The following RIPK1 variants were observed in gnomAD, a reference collection of about 807,000 sequenced individuals.
RIPK1 encodes receptor interacting serine/threonine kinase 1, also known as receptor-interacting serine/threonine-protein kinase 1.
RIPK1 carries 27 observed loss-of-function variants against 62.4 expected under a neutral mutation model. That is an observed-to-expected ratio of 0.43 (90% confidence interval 0.32 to 0.60). RIPK1 has a LOEUF of 0.60. Ranked by LOEUF, RIPK1 falls within the 20% of genes least tolerant of loss-of-function variation. The pLI, the probability that RIPK1 is intolerant of heterozygous loss-of-function variation, is 0.07. For missense variants in RIPK1, 735 were observed against 831.0 expected (o/e 0.88, Z 1.42); for synonymous variants, 287 against 303.2 (o/e 0.95, Z 0.55).
rs541188654 is a variant in RIPK1, at chr6:3,082,985, C to G, written c.460-100C>G. 6.4e-5 allele frequency: 73 copies of G among 1,139,134 alleles called. No individual in the cohort carries two copies. The African/African-American group carries it at 1.1e-3, about 17-fold the overall frequency. 70.6% of individuals were successfully genotyped at this position (1,139,134 alleles called of 1,614,324 possible). Reference sequence around the variant, plus strand: ...AGTGCAACCATTTCTGGAAAATTTACCGTACCTTATGTATAATGGATAAGC... The same window carrying G: ...AGTGCAACCATTTCTGGAAAATTTAGCGTACCTTATGTATAATGGATAAGC... On this transcript the variant is annotated intron_variant, in intron 4 of 10. Transcript: ENST00000259808.
At chr6:3,073,876 C>A (rs980823973) in intron 1 of RIPK1, among the ~76,000 whole-genome samples, 1 of 152,216 alleles carries the variant, frequency 6.6e-6, no homozygotes, top group Non-Finnish European at 1.5e-5. Context: ...CTGAAGGTTA[C>A]GTCCACCACG....
At chr6:3,077,010 T>A (rs1759100928) in intron 2 of RIPK1, 23 bp downstream of exon 2, 4 of 1,050,292 alleles carry the variant, frequency 3.8e-6, no homozygotes, top group Non-Finnish European at 1.4e-6. Context: ...CAGGGGTGGG[T>A]GGGCTAAGTT....
chr6:3,105,783 C>T lies in RIPK1; in HGVS notation c.1308C>T (p.Gly436=), dbSNP rs1210725335. The T allele has an allele frequency of 1.2e-6, 2 of 1,614,114 alleles. No individual in the cohort carries two copies. Among genetic ancestry groups the T allele is most frequent in the Non-Finnish European group, 1.7e-6 (2 of 1,180,058 alleles). The change falls in exon 9 of 11, where the codon GGC becomes GGT. Residue 436 remains glycine, a synonymous_variant. Transcript: ENST00000259808. This position sits in a 1 kb window ranked among gnomAD's most constrained non-coding sequence, Gnocchi z 4.5. ...ATTTTCAGAATACAGAGGGAAAAGG[C>T]ACTGCTTATTCCAGTGCAGCCAGTC... The part of the protein sequence containing the change: ...YENFQNTEGK[G]TAYSSAASHG...
At position 3,089,648 on chromosome 6, in the gene RIPK1, G is replaced by GA. The variant is rs1159517657; in HGVS notation, c.907dup (p.Ser303LysfsTer22). The GA allele has an allele frequency of 1.3e-6, 2 of 1,566,722 alleles. No individual in the cohort carries two copies. ...AAGAAAGTGTAGAAGAGGACGTGAA[G>GA]AGTTTAAAGGTAGGCAATATAGCAG... On this transcript the variant is annotated frameshift_variant, in exon 7 of 11. Transcript: ENST00000259808. LOFTEE classifies it high-confidence loss of function.
At chr6:3,098,273 T>C (rs1454305713) in intron 7 of RIPK1, among the ~76,000 whole-genome samples, 12 of 152,000 alleles carry the variant, frequency 7.9e-5, no homozygotes, top group African/African-American at 2.4e-5. Context: ...TCTAGAGAAA[T>C]TGTATAAATC....
intron 7 of RIPK1, among the ~76,000 whole-genome samples, chr6:3,100,591 G>T (rs150423241): frequency 3.9e-4 from 59 of 151,916 alleles, no homozygotes; most frequent in Middle Eastern, 3.4e-3. Context: ...ATCTTTGGGG[G>T]TTTTTTTGGT....
chr6:3,068,617 C>A lies in RIPK1; in HGVS notation c.-105C>A. 2.0e-6 allele frequency: 2 copies of A among 985,270 alleles called. No homozygotes were observed. Among genetic ancestry groups the A allele is most frequent in the Non-Finnish European group, 1.2e-6 (1 of 829,904 alleles). The allele number at this position is 985,270 out of a possible 1,614,324, so 61.0% of individuals were successfully genotyped here. ...GGCCATCCGGGCGGGGCCGACGGAG[C>A]GCGGCAGGACTTGGCTGGACGGCGC... On this transcript the variant is annotated 5_prime_UTR_variant, in exon 1 of 11. Coordinates refer to ENST00000259808, the MANE Select transcript of RIPK1 (RefSeq NM_001354930.2).
At chr6:3,110,168 T>C (rs1761082228) in intron 9 of RIPK1, among the ~76,000 whole-genome samples, 1 of 152,084 alleles carries the variant, frequency 6.6e-6, no homozygotes, top group Non-Finnish European at 1.5e-5. Context: ...CTGGATCATA[T>C]GGTAATTCTA....
rs185139947 is a variant in RIPK1, at chr6:3,096,695, G to A, written c.915+7038G>A. On this transcript the variant is annotated intron_variant, in intron 7 of 10. Transcript: ENST00000259808. ...CTGCCTCAGTCTCCTGAGTAGCTGG[G>A]ACTACAGGCGCCCACCACCACACCC... Among the ~76,000 whole-genome samples, 422 of 150,070 alleles carry A rather than the reference G, an allele frequency of 2.8e-3. 6 individuals carry two copies. Among genetic ancestry groups the A allele is most frequent in the African/African-American group, 0.01 (409 of 40,662 alleles).
intron 1 of RIPK1, among the ~76,000 whole-genome samples, chr6:3,073,551 G>GC (rs1377288075): frequency 6.6e-6 from 1 of 151,932 alleles, no homozygotes; most frequent in Non-Finnish European, 1.5e-5. Context: ...CATCTAGGCA[G>GC]CCCCCCGCCT....
At chr6:3,097,162 C>T (rs1760359005) in intron 7 of RIPK1, among the ~76,000 whole-genome samples, 1 of 152,066 alleles carries the variant, frequency 6.6e-6, no homozygotes, top group South Asian at 2.1e-4. Flanking sequence ...TGAGCCACCA[C>T]GCCCAGCCTA....
chr6:3,109,807 C>T (rs1227364480), intron 9 of RIPK1, among the ~76,000 whole-genome samples: 1 of 152,180 alleles, frequency 6.6e-6, no homozygotes, highest in African/African-American at 2.4e-5. Context: ...CCCTCCCAGC[C>T]CCGGACAACC....
chr6:3,099,543 C>T (rs1311045744), intron 7 of RIPK1, among the ~76,000 whole-genome samples: 2 of 151,670 alleles, frequency 1.3e-5, no homozygotes, highest in East Asian at 3.9e-4. Flanking sequence ...GACTCCGTCT[C>T]AAAAAAACAA....
chr6:3,096,788 C>T (rs571151883), intron 7 of RIPK1, among the ~76,000 whole-genome samples: 5 of 151,500 alleles, frequency 3.3e-5, no homozygotes, highest in Admixed American at 1.3e-4. Flanking sequence ...CTCGATCTCC[C>T]GACCTCGTGA....
At chr6:3,080,944 T>C (rs1248094305) in intron 3 of RIPK1, 35 bp from the exon 4 acceptor site, 1 of 1,605,336 alleles carries the variant, frequency 6.2e-7, no homozygotes, top group African/African-American at 1.3e-5. Context: ...TTTGATAACC[T>C]TTCCATTTCA....
rs760790406 is a variant in RIPK1 at position 3,110,950 on chromosome 6, T to G, written c.1724T>G (p.Ile575Ser). ...GAGCCAGCTGCTAAGTACCAAGCTA[T>G]CTTTGGTAAGATACCCTGGAAGGAC... ...KEEPAAKYQA[I>S]FDNTTSLTDK... Residue 575 changes from isoleucine to serine, a missense_variant, in exon 10 of 11, where the codon ATC becomes AGC. By Grantham distance (142) the Ile-to-Ser change is moderately radical. This residue lies in a region of RIPK1 where 671 missense variants were observed against 726.2 expected (regional missense o/e 0.92). Coordinates refer to ENST00000259808, the MANE Select transcript of RIPK1 (RefSeq NM_001354930.2). 2 of 1,610,088 alleles carry G rather than the reference T, an allele frequency of 1.2e-6. No individual in the cohort carries two copies. The highest frequency in any genetic ancestry group is 3.4e-5 in the Admixed American group (2 of 59,274).
intron 7 of RIPK1, among the ~76,000 whole-genome samples, chr6:3,103,320 C>A: frequency 6.7e-6 from 1 of 148,784 alleles, no homozygotes; most frequent in African/African-American, 2.5e-5. Flanking sequence ...TTTTTGGAGA[C>A]AGAATCTTGC....
rs1369796173 is a variant in RIPK1, at chr6:3,112,965, A to C, written c.1730-88A>C. On this transcript the variant is annotated intron_variant, in intron 10 of 10. Transcript: ENST00000259808. ...TTTTCACTGTCTTCTGGTACTCTTC[A>C]TTTCACTTGGGTTTTTTAGCAATTC... 5.2e-6 allele frequency: 6 copies of C among 1,148,470 alleles called. No individual in the cohort carries two copies. The African/African-American group carries it at 9.4e-5, about 18-fold the overall frequency. 71.1% of individuals were successfully genotyped at this position (1,148,470 alleles called of 1,614,324 possible).
At chr6:3,068,490 G>C (rs1374160503), upstream of RIPK1, 20 of 985,306 alleles carry the variant, frequency 2.0e-5, no homozygotes, top group East Asian at 2.0e-3. Context: ...GAGGCAGCGC[G>C]AACAGTCCAC....
Sources: gnomAD v4.1 joint callset for allele counts (sites outside exome capture counted in the v4.1 genomes callset) on GRCh38, gnomAD v4.1.1 for gene constraint, gnomAD v4.1.1 regional missense constraint, Gnocchi (gnomAD v3.1) non-coding constraint, MANE v1.5 for transcripts, NCBI Gene and HGNC (gene_info 2026-07-23, HGNC 2026-07-21) for gene names.